The following BNIP2 variants were observed in gnomAD, a reference collection of about 807,000 sequenced individuals.
BNIP2 encodes the protein BCL2/adenovirus E1B 19 kDa protein-interacting protein 2.
In BNIP2, 36 loss-of-function variants were observed where a neutral mutation model predicts 43.4. That is an observed-to-expected ratio of 0.83 (90% CI 0.64 to 1.10). The LOEUF (loss-of-function observed/expected upper bound fraction) is 1.10, where lower values mean the gene tolerates loss of function less well. Among genes scored for constraint, BNIP2 ranks in the 50% least tolerant of loss-of-function variants. The pLI is 0.00. For synonymous variants in BNIP2, 146 were observed against 121.0 expected, an observed-to-expected ratio of 1.21 and a Z score of -1.35; for missense variants, 417 against 374.1, an observed-to-expected ratio of 1.11 and a Z score of -0.95.
At chr15:59,675,367 T>A (rs1388907627) in intron 5 of BNIP2, among the ~76,000 whole-genome samples, 1 of 152,060 alleles carries the variant, frequency 6.6e-6, no homozygotes, top group Non-Finnish European at 1.5e-5. Flanking sequence ...TCCCAGCACT[T>A]CAGGAGGCTG....
chr15:59,682,683 ACT>A (rs1893764171), intron 1 of BNIP2, among the ~76,000 whole-genome samples, 169 bp from the exon 2 acceptor site: 4 of 151,872 alleles, frequency 2.6e-5, no homozygotes, highest in Non-Finnish European at 5.9e-5. Flanking sequence ...AAAAGAGAAT[ACT>A]CAGACTACAT....
Position 59,671,272 on chromosome 15 carries a change from G to A in BNIP2, c.618C>T (p.Tyr206=), listed in dbSNP as rs1167204475. ...TTGCACCATTTAAATAAACTATCAT[G>A]TAGTTTTCTGCTACTAATAGCTCCA... ...GTLELLVAEN[Y]MIVYLNGATT... Residue 206 remains tyrosine (Y), a synonymous_variant, in exon 7 of 10, where the codon TAC becomes TAT. Transcript: ENST00000607373. The A allele has an allele frequency of 1.9e-6, 3 of 1,595,952 alleles. No homozygotes were observed. Among genetic ancestry groups the A allele is most frequent in the Admixed American group, 1.8e-5 (1 of 57,128 alleles).
At chr15:59,682,631 G>A in intron 1 of BNIP2, 117 bp from the exon 2 acceptor site, 1 of 725,306 alleles carries the variant, frequency 1.4e-6, no homozygotes, top group Non-Finnish European at 2.0e-6. Context: ...GTCTGGTCAT[G>A]AAATTCATTT....
chr15:59,677,388 T>C, intron 5 of BNIP2: 1 of 1,525,332 alleles, frequency 6.6e-7, no homozygotes, highest in Non-Finnish European at 8.8e-7. Flanking sequence ...AAGGGTTGGT[T>C]TTCCGTACTC....
intron 9 of BNIP2, among the ~76,000 whole-genome samples, chr15:59,667,843 G>C (rs1263604653): frequency 6.6e-6 from 1 of 152,198 alleles, no homozygotes; most frequent in Admixed American, 6.5e-5. Flanking sequence ...TTCACCATTA[G>C]TACTTAGACT....
intron 5 of BNIP2, among the ~76,000 whole-genome samples, chr15:59,674,107 C>CAAAA (rs67178095): frequency 2.9e-5 from 4 of 136,564 alleles, no homozygotes; most frequent in Middle Eastern, 3.8e-3. Flanking sequence ...AAAACAAAAA[C>CAAAA]AAAAACAAAA....
At chr15:59,686,312 G>A (rs1421475075) in intron 1 of BNIP2, among the ~76,000 whole-genome samples, 2 of 152,180 alleles carry the variant, frequency 1.3e-5, no homozygotes, top group African/African-American at 4.8e-5. Flanking sequence ...CACCTTTGGA[G>A]GACAAGGTGG....
At chr15:59,687,865 T>C (rs6151448) in intron 1 of BNIP2, among the ~76,000 whole-genome samples, 58,299 of 151,830 alleles carry the variant, frequency 0.38, 11,657 homozygotes, top group East Asian at 0.55. Flanking sequence ...CATCATTTTA[T>C]CTTATATATG....
At chr15:59,673,879 G>A (rs761795321) in intron 5 of BNIP2, among the ~76,000 whole-genome samples, 1 of 152,048 alleles carries the variant, frequency 6.6e-6, no homozygotes, top group Non-Finnish European at 1.5e-5. Flanking sequence ...CTTAAGGCCA[G>A]GAATTTTGAG....
At chr15:59,687,005 A>G (rs1168780851) in intron 1 of BNIP2, among the ~76,000 whole-genome samples, 1 of 152,314 alleles carries the variant, frequency 6.6e-6, no homozygotes, top group East Asian at 1.9e-4. Flanking sequence ...TGACAGAGCG[A>G]GACTGCATCT....
At chr15:59,679,955 A>G (rs575235101) in intron 3 of BNIP2, among the ~76,000 whole-genome samples, 187 bp from the exon 4 acceptor site, 1 of 152,334 alleles carries the variant, frequency 6.6e-6, no homozygotes, top group African/African-American at 2.4e-5. Flanking sequence ...CAAGAGATCA[A>G]TAAAGTATCA....
chr15:59,678,159 A>G (rs1893430372), intron 4 of BNIP2, 72 bp from the exon 5 acceptor site: 6 of 1,474,312 alleles, frequency 4.1e-6, no homozygotes, highest in Non-Finnish European at 5.4e-6. Context: ...TAACCACTTT[A>G]CTACCTAGAT....
At position 59,661,539 on chromosome 15, in the gene BNIP2, C is replaced by G. The variant is rs1207724434; in HGVS notation, c.*2530G>C. On this transcript the variant is annotated 3_prime_UTR_variant, in exon 10 of 10. Coordinates refer to ENST00000607373, the MANE Select transcript of BNIP2 (RefSeq NM_004330.4). ...AGCTTAAATTGTGGGGTGAATAGAA[C>G]GTCTTCCCTTGGTGCTTGCTTAGGA... The G allele has an allele frequency of 3.9e-5, 6 of 152,002 alleles. No individual in the cohort carries two copies. Among genetic ancestry groups the G allele is most frequent in the Non-Finnish European group, 5.9e-5 (4 of 68,010 alleles). 9.4% of individuals were successfully genotyped at this position (152,002 alleles called of 1,614,324 possible). A position where few individuals can be genotyped will look rare whatever the true frequency, so the allele number is the denominator to read the frequency against.
chr15:59,689,283 G>T lies in BNIP2; in HGVS notation c.-206C>A, dbSNP rs3087331. ...CCCGGCCCAATCCCCCGGCCGCAGCGGTACGGCGTCGGCGGCAGCAGCTGA... is the reference window on the plus strand; with the variant it reads ...CCCGGCCCAATCCCCCGGCCGCAGCTGTACGGCGTCGGCGGCAGCAGCTGA... On this transcript the variant is annotated 5_prime_UTR_variant, in exon 1 of 10. Coordinates refer to ENST00000607373, the MANE Select transcript of BNIP2 (RefSeq NM_004330.4). 3.2e-6 allele frequency: 5 copies of T among 1,545,776 alleles called. No homozygotes were observed. The highest frequency in any genetic ancestry group is 4.4e-6 in the Non-Finnish European group (5 of 1,145,836).
chr15:59,685,857 G>C (rs1310617139), intron 1 of BNIP2, among the ~76,000 whole-genome samples: 3 of 152,146 alleles, frequency 2.0e-5, no homozygotes, highest in African/African-American at 7.2e-5. Context: ...AAACAAGAAA[G>C]GAGTTAATAT....
chr15:59,664,440 G>C (rs1400525568), intron 9 of BNIP2, among the ~76,000 whole-genome samples: 1 of 151,928 alleles, frequency 6.6e-6, no homozygotes, highest in Admixed American at 6.6e-5. Flanking sequence ...GGAGTGCAGT[G>C]GCACAATCTC....
At chr15:59,665,686 C>T (rs1057215243) in intron 9 of BNIP2, among the ~76,000 whole-genome samples, 4 of 152,140 alleles carry the variant, frequency 2.6e-5, no homozygotes, top group Non-Finnish European at 5.9e-5. Flanking sequence ...TCAAAATTTA[C>T]GCATGTGGGC....
chr15:59,669,117 G>T, intron 8 of BNIP2, 127 bp from the exon 9 acceptor site: 1 of 1,067,442 alleles, frequency 9.4e-7, no homozygotes, highest in Non-Finnish European at 1.4e-6. Context: ...AATGTCTGAG[G>T]TGATGGATGT....
intron 2 of BNIP2, among the ~76,000 whole-genome samples, chr15:59,681,837 CAAAA>C (rs1305624104): frequency 6.6e-6 from 1 of 151,982 alleles, no homozygotes; most frequent in African/African-American, 2.4e-5. Flanking sequence ...AAAAACAAAA[CAAAA>C]CAAACAAACC....
Sources: gnomAD v4.1 joint callset for allele counts (sites outside exome capture counted in the v4.1 genomes callset) on GRCh38, gnomAD v4.1.1 for gene constraint, MANE v1.5 for transcripts, NCBI Gene and HGNC (gene_info 2026-07-23, HGNC 2026-07-21) for gene names.